The following EFCAB5 variants were observed in gnomAD, a reference collection of about 807,000 sequenced individuals.
The protein encoded by EFCAB5 is EF-hand calcium-binding domain-containing protein 5.
In EFCAB5, 131 loss-of-function variants were observed where a neutral mutation model predicts 167.9. The ratio of observed to expected loss-of-function variants is 0.78; its 90% CI spans 0.68 to 0.90. The LOEUF (loss-of-function observed/expected upper bound fraction) is 0.90, where lower values mean the gene tolerates loss of function less well. Ranked by LOEUF, EFCAB5 falls within the 40% of genes least tolerant of loss-of-function variation. The probability of loss-of-function intolerance (pLI) is 0.00; values close to 1 mark genes in which losing one functional copy is unlikely to be tolerated. For missense variants in EFCAB5, 1,663 were observed against 1,745.2 expected (o/e 0.95, Z 0.84); for synonymous variants, 574 against 602.8 (o/e 0.95, Z 0.70).
intron 22 of EFCAB5, among the ~76,000 whole-genome samples, chr17:30,093,659 G>T (rs760796446): frequency 6.6e-6 from 1 of 152,086 alleles, no homozygotes; most frequent in Non-Finnish European, 1.5e-5. Flanking sequence ...GACCACCAAC[G>T]CTACCCACCA....
chr17:30,069,438 C>T (rs1597759349), intron 14 of EFCAB5: 6 of 1,546,192 alleles, frequency 3.9e-6, no homozygotes, highest in South Asian at 1.1e-5. Flanking sequence ...GAGATATTCA[C>T]GGAAAAGGTT....
chr17:29,987,609 T>C (rs1183754041), intron 4 of EFCAB5, among the ~76,000 whole-genome samples: 1 of 152,218 alleles, frequency 6.6e-6, no homozygotes, highest in African/African-American at 2.4e-5. Flanking sequence ...ATATGTGGTG[T>C]CCCATAATCC....
chr17:30,051,318 C>A, intron 9 of EFCAB5, 101 bp downstream of exon 9: 1 of 952,204 alleles, frequency 1.1e-6, no homozygotes, highest in Non-Finnish European at 1.6e-6. Context: ...ATTATTCTAC[C>A]ACCATGGAAT....
chr17:30,011,078 G>C (rs1056529057), intron 7 of EFCAB5, among the ~76,000 whole-genome samples: 21 of 152,066 alleles, frequency 1.4e-4, no homozygotes, highest in African/African-American at 4.8e-4. Flanking sequence ...TCTTGTTTTT[G>C]TCAGGTTTGT....
At chr17:29,938,659 T>A (rs1163825689), upstream of EFCAB5, among the ~76,000 whole-genome samples, 3 of 152,230 alleles carry the variant, frequency 2.0e-5, no homozygotes, top group Non-Finnish European at 4.4e-5. Flanking sequence ...GTTCACAGTG[T>A]CTTCACCAGG....
At position 30,053,607 on chromosome 17, in the gene EFCAB5, G is replaced by A. The variant is rs747341403; in HGVS notation, c.1653G>A (p.Glu551=). The change falls in exon 10 of 23, where the codon GAG becomes GAA. Residue 551 remains glutamate, a synonymous_variant. Transcript: ENST00000394835. ...TAATAGAACCAGGAACACACACAGA[G>A]TCAACTCTAGAACAAGGGTCAAGTA... is the stretch of plus-strand genomic sequence containing the variant. ...ESVIEPGTHT[E]STLEQGSSRR... 2 of 1,613,890 alleles carry A rather than the reference G, an allele frequency of 1.2e-6. No homozygotes were observed. The highest frequency in any genetic ancestry group is 1.1e-5 in the South Asian group (1 of 91,066).
chr17:29,965,304 G>A (rs72825859), intron 3 of EFCAB5, among the ~76,000 whole-genome samples: 2 of 152,014 alleles, frequency 1.3e-5, no homozygotes, highest in East Asian at 3.9e-4. Context: ...ATGTAAGAAT[G>A]AGTTGTTTAT....
At chr17:29,983,248 A>C (rs2068214038) in intron 4 of EFCAB5, among the ~76,000 whole-genome samples, 1 of 152,242 alleles carries the variant, frequency 6.6e-6, no homozygotes, top group Admixed American at 6.5e-5. Context: ...TCTTTGCAAA[A>C]GCAATGGAAG....
chr17:30,036,335 TTATATATAATACACATATATAATATATAA>T (rs1260088588), intron 8 of EFCAB5, among the ~76,000 whole-genome samples: 4 of 130,654 alleles, frequency 3.1e-5, no homozygotes, highest in Non-Finnish European at 6.3e-5. Context: ...TAATATATAA[TTATATATAATACACATATATAATATATAA>T]TTATATATAA....
chr17:30,022,862 C>T (rs1232501280), intron 7 of EFCAB5, among the ~76,000 whole-genome samples: 1 of 152,096 alleles, frequency 6.6e-6, no homozygotes, highest in Non-Finnish European at 1.5e-5. Flanking sequence ...AACTAGAACT[C>T]AGGATTAAGA....
intron 10 of EFCAB5, among the ~76,000 whole-genome samples, chr17:30,055,355 AGG>A (rs1491196757): frequency 6.6e-6 from 1 of 151,434 alleles, no homozygotes; most frequent in Non-Finnish European, 1.5e-5. Context: ...GAAGGAAGGA[AGG>A]AAGGAAGGAA....
chr17:29,944,188 A>G (rs1028078567), intron 3 of EFCAB5, among the ~76,000 whole-genome samples: 11 of 151,918 alleles, frequency 7.2e-5, no homozygotes, highest in Non-Finnish European at 1.3e-4. Flanking sequence ...TGATCCTCCT[A>G]TCTCAGCCTC....
At chr17:30,022,156 A>G (rs1597682831) in intron 7 of EFCAB5, among the ~76,000 whole-genome samples, 2 of 152,200 alleles carry the variant, frequency 1.3e-5, no homozygotes, top group East Asian at 3.8e-4. Context: ...CATCTGTTTT[A>G]TCATAGTAAA....
chr17:30,034,884 C>T (rs1371312416), intron 8 of EFCAB5, among the ~76,000 whole-genome samples: 1 of 152,110 alleles, frequency 6.6e-6, no homozygotes, highest in African/African-American at 2.4e-5. Flanking sequence ...CTAAGAAGCA[C>T]AGAAATTTGG....
intron 7 of EFCAB5, among the ~76,000 whole-genome samples, chr17:30,028,567 T>A (rs745485639): frequency 2.0e-5 from 3 of 152,196 alleles, no homozygotes; most frequent in Admixed American, 6.5e-5. Flanking sequence ...TACCCTCCAA[T>A]TGGATGTGTC....
intron 5 of EFCAB5, among the ~76,000 whole-genome samples, chr17:29,994,176 A>ATATATATATG (rs1491374562): frequency 5.0e-5 from 6 of 120,768 alleles, no homozygotes; most frequent in African/African-American, 1.9e-4. Context: ...ATATATATAT[A>ATATATATATG]TGTGATATAT....
chr17:30,049,162 C>T (rs569551954), intron 8 of EFCAB5, among the ~76,000 whole-genome samples: 1 of 152,144 alleles, frequency 6.6e-6, no homozygotes, highest in East Asian at 1.9e-4. Flanking sequence ...CTTGGTAAGA[C>T]AGCTAATGTG....
At chr17:30,015,759 C>CTTTTTT (rs71138866) in intron 7 of EFCAB5, among the ~76,000 whole-genome samples, 5 of 130,566 alleles carry the variant, frequency 3.8e-5, no homozygotes, top group African/African-American at 2.8e-5. Context: ...TTGGTTATTT[C>CTTTTTT]TTTTTTTTTT....
intron 14 of EFCAB5, chr17:30,073,246 G>T (rs2070789195): frequency 6.1e-6 from 4 of 653,684 alleles, no homozygotes; most frequent in South Asian, 1.7e-5. Context: ...TGGTATGGAT[G>T]GGGTCTCTCT....
Sources: allele counts gnomAD v4.1 joint callset (sites outside exome capture counted in the v4.1 genomes callset), GRCh38; gene constraint gnomAD v4.1.1; transcripts MANE v1.5; gene names NCBI Gene and HGNC (gene_info 2026-07-23, HGNC 2026-07-21).